TMEM132D: variants seen among roughly 807,000 people sequenced by gnomAD.
TMEM132D encodes mature OL transmembrane protein.
A neutral mutation model predicts 62.3 loss-of-function variants in TMEM132D; 21 were observed. That is an observed-to-expected ratio of 0.34 (90% CI 0.24 to 0.49). The LOEUF (loss-of-function observed/expected upper bound fraction) is 0.49. Ranked by LOEUF, TMEM132D falls within the 20% of genes least tolerant of loss-of-function variation. The probability of loss-of-function intolerance (pLI) is 0.99; values close to 1 mark genes in which losing one functional copy is unlikely to be tolerated. For synonymous variants in TMEM132D, 621 were observed against 575.6 expected, an observed-to-expected ratio of 1.08 and a Z score of -1.13; for missense variants, 1,346 against 1,402.8, an observed-to-expected ratio of 0.96 and a Z score of 0.65.
chr12:129,450,873 A>G (rs966975271), intron 3 of TMEM132D, among the ~76,000 whole-genome samples: 1 of 144,784 alleles, frequency 6.9e-6, no homozygotes, highest in Non-Finnish European at 1.5e-5. Context: ...TCTCTGCCTC[A>G]GCCTCCCGAG....
chr12:129,755,806 C>T (rs1359275347), intron 1 of TMEM132D, among the ~76,000 whole-genome samples: 1 of 152,130 alleles, frequency 6.6e-6, no homozygotes, highest in South Asian at 2.1e-4. Flanking sequence ...TCCCAAGCAC[C>T]GGTAAAACCT....
At chr12:129,441,467 C>G (rs935059909) in intron 3 of TMEM132D, among the ~76,000 whole-genome samples, 2 of 152,106 alleles carry the variant, frequency 1.3e-5, no homozygotes, top group Admixed American at 1.3e-4. Flanking sequence ...GAGACGCCTG[C>G]GAGGAGCTGA....
intron 2 of TMEM132D, among the ~76,000 whole-genome samples, chr12:129,595,069 G>A (rs1246250370): frequency 1.3e-5 from 2 of 152,204 alleles, no homozygotes; most frequent in Non-Finnish European, 2.9e-5. Flanking sequence ...CACAGATCAT[G>A]TTAAAAGCAG....
chr12:129,483,640 A>G (rs1874492893), intron 3 of TMEM132D, among the ~76,000 whole-genome samples: 1 of 152,240 alleles, frequency 6.6e-6, no homozygotes, highest in African/African-American at 2.4e-5. Context: ...AGTGAACACA[A>G]ACGCTGCCAG....
At chr12:129,382,731 CT>C (rs1453264813) in intron 3 of TMEM132D, among the ~76,000 whole-genome samples, 2 of 152,080 alleles carry the variant, frequency 1.3e-5, no homozygotes, top group South Asian at 2.1e-4. Context: ...AATACAGAGG[CT>C]TTTGAAAAAG....
At chr12:129,841,217 TCTC>T (rs1238692693) in intron 1 of TMEM132D, among the ~76,000 whole-genome samples, 1 of 152,046 alleles carries the variant, frequency 6.6e-6, no homozygotes, top group African/African-American at 2.4e-5. Context: ...TTCAGCGTGC[TCTC>T]TACTATCCTT....
chr12:129,895,386 C>A (rs1875074512), intron 1 of TMEM132D, among the ~76,000 whole-genome samples: 1 of 152,210 alleles, frequency 6.6e-6, no homozygotes, highest in Non-Finnish European at 1.5e-5. Context: ...TTTCAGGGAT[C>A]ACTTCTAAGT....
At chr12:129,202,072 C>T (rs1050415528) in intron 5 of TMEM132D, among the ~76,000 whole-genome samples, 2 of 152,014 alleles carry the variant, frequency 1.3e-5, no homozygotes, top group African/African-American at 4.8e-5. Flanking sequence ...TGGCTTGACG[C>T]AATTTACAAT....
chr12:129,729,318 A>T (rs1869140942), intron 1 of TMEM132D, among the ~76,000 whole-genome samples: 1 of 152,196 alleles, frequency 6.6e-6, no homozygotes, highest in Admixed American at 6.5e-5. Context: ...AGGGTTTCTC[A>T]ACCTTGACGC....
At chr12:129,416,449 T>G (rs956650934) in intron 3 of TMEM132D, among the ~76,000 whole-genome samples, 1 of 152,234 alleles carries the variant, frequency 6.6e-6, no homozygotes, top group African/African-American at 2.4e-5. Context: ...AAGGAGTTTT[T>G]GGGCTGAAAT....
intron 1 of TMEM132D, among the ~76,000 whole-genome samples, chr12:129,902,280 A>C (rs905180816): frequency 1.3e-5 from 2 of 152,210 alleles, no homozygotes; most frequent in Non-Finnish European, 2.9e-5. Context: ...CATCTCAAAA[A>C]TCTTTGCAGA....
intron 5 of TMEM132D, among the ~76,000 whole-genome samples, chr12:129,132,118 CA>C (rs1876392537): frequency 6.6e-6 from 1 of 152,122 alleles, no homozygotes; most frequent in African/African-American, 2.4e-5. Context: ...GGCATTTTTA[CA>C]GGAAAGACAA....
At chr12:129,127,723 T>C (rs570750936) in intron 5 of TMEM132D, among the ~76,000 whole-genome samples, 1 of 151,782 alleles carries the variant, frequency 6.6e-6, no homozygotes, top group African/African-American at 2.4e-5. Flanking sequence ...TTGCCTAGAT[T>C]GCAGCACCTA....
chr12:129,427,105 T>G (rs1433686009), intron 3 of TMEM132D, among the ~76,000 whole-genome samples: 1 of 152,198 alleles, frequency 6.6e-6, no homozygotes, highest in African/African-American at 2.4e-5. Context: ...GATCCTTGTC[T>G]TGTCAGTGCT....
chr12:129,404,818 C>G (rs1321325301), intron 3 of TMEM132D, among the ~76,000 whole-genome samples: 3 of 152,168 alleles, frequency 2.0e-5, no homozygotes, highest in Non-Finnish European at 4.4e-5. Flanking sequence ...TCACCTCCCA[C>G]CAGGCCCCAC....
At position 129,710,400 on chromosome 12, in the gene TMEM132D, A is replaced by T. The variant is rs983126046; in HGVS notation, c.80-9702T>A. On this transcript the variant is annotated intron_variant, in intron 1 of 8. Coordinates refer to ENST00000422113, the MANE Select transcript of TMEM132D (RefSeq NM_133448.3). The stretch of plus-strand genomic sequence containing the variant: ...AACCTCCACCTCCCGTGTTCAAGTG[A>T]TTCTCCTGCCTCAGCCTCCCAAGTA... Among the ~76,000 whole-genome samples the T allele has an allele frequency of 5.3e-5, 8 of 152,168 alleles. No homozygotes were observed. The East Asian group carries it at 1.5e-3, about 29-fold the overall frequency.
chr12:129,532,156 T>G (rs1360779422), intron 2 of TMEM132D, among the ~76,000 whole-genome samples: 1 of 152,222 alleles, frequency 6.6e-6, no homozygotes, highest in Non-Finnish European at 1.5e-5. Context: ...AGCTAATGTT[T>G]CCTGCTGTGT....
chr12:129,457,348 C>A (rs1352369601), intron 3 of TMEM132D, among the ~76,000 whole-genome samples: 2 of 148,806 alleles, frequency 1.3e-5, no homozygotes, highest in South Asian at 2.2e-4. Context: ...GGACAAAAAA[C>A]CAAACACCGC....
chr12:129,817,885 G>A (rs1340457397), intron 1 of TMEM132D, among the ~76,000 whole-genome samples: 2 of 147,866 alleles, frequency 1.4e-5, no homozygotes, highest in African/African-American at 5.0e-5. Flanking sequence ...TGTGTGTGGT[G>A]TGGGGGTTTG....
Sources: gnomAD v4.1 joint callset for allele counts (sites outside exome capture counted in the v4.1 genomes callset) on GRCh38, gnomAD v4.1.1 for gene constraint, MANE v1.5 for transcripts, NCBI Gene and HGNC (gene_info 2026-07-23, HGNC 2026-07-21) for gene names.